Variants in POC1A observed in about 807,000 individuals in gnomAD.
POC1A encodes POC1 centriolar protein A, also known as POC1 centriolar protein homolog A.
In POC1A, 34 loss-of-function variants were observed where a neutral mutation model predicts 47.8. The ratio of observed to expected loss-of-function variants is 0.71; its 90% confidence interval spans 0.54 to 0.95. POC1A has a LOEUF of 0.95. POC1A is among the 40% of genes least tolerant of loss of function. POC1A has a pLI of 0.00. For synonymous variants in POC1A, 177 were observed against 207.6 expected (o/e 0.85, Z 1.27); for missense variants, 466 against 528.3 (o/e 0.88, Z 1.16).
At chr3:52,122,518 TC>T in intron 8 of POC1A, 41 bp from the exon 9 acceptor site, 1 of 1,249,998 alleles carries the variant, frequency 8.0e-7, no homozygotes, top group Non-Finnish European at 1.2e-6. Context: ...GAGAAGAAAA[TC>T]CCCTTGCCAG....
intron 10 of POC1A, among the ~76,000 whole-genome samples, chr3:52,078,794 C>T (rs746324840): frequency 6.6e-6 from 1 of 152,240 alleles, no homozygotes; most frequent in Non-Finnish European, 1.5e-5. Flanking sequence ...CCCCTGCGCC[C>T]GGCTGAAACA....
chr3:52,110,322 C>A (rs983824987), intron 9 of POC1A, among the ~76,000 whole-genome samples: 1 of 152,168 alleles, frequency 6.6e-6, no homozygotes, highest in African/African-American at 2.4e-5. Flanking sequence ...AGCTGCCAGC[C>A]TCCCAAGGAA....
At chr3:52,147,454 G>C (rs1197659998) in intron 4 of POC1A, among the ~76,000 whole-genome samples, 1 of 151,662 alleles carries the variant, frequency 6.6e-6, no homozygotes, top group African/African-American at 2.4e-5. Flanking sequence ...TTGTTTTTTA[G>C]ACAGGGTATT....
At chr3:52,142,698 G>C (rs548548729) in intron 6 of POC1A, among the ~76,000 whole-genome samples, 1 of 152,180 alleles carries the variant, frequency 6.6e-6, no homozygotes, top group African/African-American at 2.4e-5. Context: ...CACTGTGTCC[G>C]TAGGTTTCCC....
Position 52,081,730 on chromosome 3 carries a change from G to A in POC1A, c.1126-5745C>T, listed in dbSNP as rs991681104. 7.9e-5 allele frequency among the ~76,000 whole-genome samples: 12 copies of A among 152,156 alleles called. No individual in the cohort carries two copies. In the East Asian group the frequency reaches 2.3e-3, roughly 29 times the overall value. On this transcript the variant is annotated intron_variant, in intron 10 of 10. Transcript: ENST00000296484. Reference sequence around the variant, plus strand: ...AGCAGGAGGGTGCTGGGGGGTGCTAGGCTGAGGGGATTTGAGACTCCTCTG... The same window carrying A: ...AGCAGGAGGGTGCTGGGGGGTGCTAAGCTGAGGGGATTTGAGACTCCTCTG...
intron 1 of POC1A, among the ~76,000 whole-genome samples, chr3:52,151,798 G>A (rs1231365262): frequency 1.3e-5 from 2 of 151,518 alleles, no homozygotes; most frequent in South Asian, 2.1e-4. Context: ...TTGATCTACC[G>A]ATTCCACATA....
intron 6 of POC1A, among the ~76,000 whole-genome samples, chr3:52,143,780 A>G (rs945485329): frequency 4.6e-5 from 7 of 152,162 alleles, no homozygotes; most frequent in South Asian, 2.1e-4. Context: ...GGCTCTGGAC[A>G]CCGCTATCCT....
intron 9 of POC1A, among the ~76,000 whole-genome samples, chr3:52,113,023 T>C (rs910852164): frequency 3.3e-5 from 5 of 152,076 alleles, no homozygotes; most frequent in Middle Eastern, 3.4e-3. Context: ...GCCCTCAGAG[T>C]GATTCTGAGG....
At chr3:52,148,476 C>T (rs936300841) in intron 4 of POC1A, among the ~76,000 whole-genome samples, 1 of 152,232 alleles carries the variant, frequency 6.6e-6, no homozygotes, top group African/African-American at 2.4e-5. Context: ...AGATATTTGA[C>T]CCATGGGGAA....
intron 9 of POC1A, 98 bp downstream of exon 9, chr3:52,122,281 T>C: frequency 2.8e-6 from 2 of 713,012 alleles, no homozygotes; most frequent in South Asian, 3.1e-5. Context: ...GAGACAGGCC[T>C]AAACCTCCTC....
At chr3:52,086,354 A>G (rs1170677318) in intron 10 of POC1A, among the ~76,000 whole-genome samples, 2 of 152,252 alleles carry the variant, frequency 1.3e-5, no homozygotes, top group Non-Finnish European at 2.9e-5. Flanking sequence ...GCTTCATTGC[A>G]GAGATGAAAA....
intron 9 of POC1A, among the ~76,000 whole-genome samples, chr3:52,098,996 C>T (rs1355427910): frequency 5.3e-5 from 8 of 152,302 alleles, no homozygotes; most frequent in East Asian, 1.9e-4. Context: ...AGGCTCTTCC[C>T]GGACATGAGA....
rs575702363 is a variant in POC1A at position 52,144,082 on chromosome 3, C to T, written c.679+1764G>A. On this transcript the variant is annotated intron_variant, in intron 6 of 10. Coordinates refer to ENST00000296484, the MANE Select transcript of POC1A (RefSeq NM_015426.5). The stretch of plus-strand genomic sequence containing the variant: ...CCTTTTGTGGCTTTTCCCATCAGAG[C>T]CTCACAAAGCCATGAGGAAGGCCTA... Among the ~76,000 whole-genome samples the T allele has an allele frequency of 5.3e-5, 8 of 152,342 alleles. No homozygotes were observed. In the South Asian group the frequency reaches 1.7e-3, roughly 32 times the overall value.
At chr3:52,086,109 T>C (rs889949303) in intron 10 of POC1A, among the ~76,000 whole-genome samples, 8 of 152,174 alleles carry the variant, frequency 5.3e-5, no homozygotes, top group African/African-American at 1.2e-4. Flanking sequence ...GGCGCCCCCA[T>C]GATGTCTCCC....
intron 6 of POC1A, among the ~76,000 whole-genome samples, chr3:52,144,438 C>G (rs1029836428): frequency 6.6e-6 from 1 of 152,140 alleles, no homozygotes; most frequent in South Asian, 2.1e-4. Context: ...GGTGGGGGAA[C>G]AGGTTCTTGT....
At chr3:52,077,719 CA>C (rs1702161513) in intron 10 of POC1A, among the ~76,000 whole-genome samples, 1 of 152,240 alleles carries the variant, frequency 6.6e-6, no homozygotes, top group Non-Finnish European at 1.5e-5. Flanking sequence ...GGGCCAAAAT[CA>C]TTCTTCATCC....
chr3:52,123,786 G>A lies in POC1A; in HGVS notation c.883-1309C>T, dbSNP rs145870369. 3.0e-4 allele frequency among the ~76,000 whole-genome samples: 46 copies of A among 152,316 alleles called. No homozygotes were observed. The East Asian group carries it at 5.8e-3, about 19-fold the overall frequency. ...AGGAAGCCTGGGAGCTGATGGCAGC[G>A]CTGCTGGACCTACTTTCCACCAGGC... On this transcript the variant is annotated intron_variant, in intron 8 of 10. Coordinates refer to ENST00000296484, the MANE Select transcript of POC1A (RefSeq NM_015426.5).
At chr3:52,096,934 G>A (rs1702837168) in intron 9 of POC1A, among the ~76,000 whole-genome samples, 1 of 152,234 alleles carries the variant, frequency 6.6e-6, no homozygotes, top group Non-Finnish European at 1.5e-5. Flanking sequence ...GAATCAGAAT[G>A]CCTTGTGATC....
At chr3:52,109,196 G>T (rs1055446896) in intron 9 of POC1A, among the ~76,000 whole-genome samples, 6 of 152,218 alleles carry the variant, frequency 3.9e-5, no homozygotes, top group Middle Eastern at 3.2e-3. Flanking sequence ...TGTGAATGTG[G>T]ACTAGATATC....
Sources: gnomAD v4.1 joint callset for allele counts (sites outside exome capture counted in the v4.1 genomes callset) on GRCh38, gnomAD v4.1.1 for gene constraint, MANE v1.5 for transcripts, NCBI Gene and HGNC (gene_info 2026-07-23, HGNC 2026-07-21) for gene names.